EEA1: variants seen among roughly 807,000 people sequenced by gnomAD.
EEA1 encodes the protein early endosome antigen 1, also known as early endosome antigen 1, 162kD.
EEA1 carries 111 observed loss-of-function variants against 209.2 expected under a neutral mutation model. That is an observed-to-expected ratio of 0.53 (90% CI 0.45 to 0.62). The LOEUF is 0.62. Among genes scored for constraint, EEA1 ranks in the 20% least tolerant of loss-of-function variants. The pLI is 0.00. For missense variants in EEA1, 1,343 were observed against 1,530.8 expected (o/e 0.88, Z 2.05); for synonymous variants, 536 against 540.6 (o/e 0.99, Z 0.12).
chr12:92,842,295 A>G (rs1235078363), intron 10 of EEA1, among the ~76,000 whole-genome samples, 170 bp downstream of exon 10: 1 of 152,104 alleles, frequency 6.6e-6, no homozygotes, highest in Non-Finnish European at 1.5e-5. Flanking sequence ...ACTTTGCACA[A>G]TGAAAAAAGT....
At chr12:92,815,965 A>G (rs905140458) in intron 15 of EEA1, among the ~76,000 whole-genome samples, 1 of 151,200 alleles carries the variant, frequency 6.6e-6, no homozygotes, top group Non-Finnish European at 1.5e-5. Context: ...GAGGGAGAGG[A>G]GAAAGGAAGA....
At chr12:92,813,549 T>C (rs1021651932) in intron 15 of EEA1, among the ~76,000 whole-genome samples, 2 of 152,202 alleles carry the variant, frequency 1.3e-5, no homozygotes, top group African/African-American at 4.8e-5. Flanking sequence ...CAGTATTCCC[T>C]GATAACTTCT....
At chr12:92,789,542 G>C (rs965505146) in intron 21 of EEA1, among the ~76,000 whole-genome samples, 1 of 151,958 alleles carries the variant, frequency 6.6e-6, no homozygotes, top group African/African-American at 2.4e-5. Flanking sequence ...GCATCAAAAA[G>C]CTGTTACTTC....
intron 16 of EEA1, among the ~76,000 whole-genome samples, chr12:92,812,293 C>T (rs539687183): frequency 5.9e-5 from 9 of 151,576 alleles, no homozygotes; most frequent in African/African-American, 1.2e-4. Context: ...TACACCATTG[C>T]GCTCCAACCT....
At chr12:92,904,898 T>C (rs1880307355) in intron 1 of EEA1, among the ~76,000 whole-genome samples, 1 of 152,214 alleles carries the variant, frequency 6.6e-6, no homozygotes, top group South Asian at 2.1e-4. Flanking sequence ...TTTAAAGTTT[T>C]TACAGAGGTT....
At position 92,926,748 on chromosome 12, in the gene EEA1, C is replaced by T. The variant is rs148168390; in HGVS notation, c.24+2295G>A. Reference sequence around the variant, plus strand: ...AGTACTACCTGCGCCTTTTATGACTCCATCTCTTTGCATTTGCTGTTCCCT... The same window carrying T: ...AGTACTACCTGCGCCTTTTATGACTTCATCTCTTTGCATTTGCTGTTCCCT... On this transcript the variant is annotated intron_variant, in intron 1 of 28. Transcript: ENST00000322349. 2.5e-3 allele frequency among the ~76,000 whole-genome samples: 382 copies of T among 152,304 alleles called. 5 individuals carry two copies. The highest frequency in any genetic ancestry group is 0.017 in the South Asian group (80 of 4,826).
chr12:92,816,040 A>C lies in EEA1; in HGVS notation c.1929+160T>G, dbSNP rs529691303. Among the ~76,000 whole-genome samples, 8 of 152,170 alleles carry C rather than the reference A, an allele frequency of 5.3e-5. No homozygotes were observed. The South Asian group carries it at 8.3e-4, about 16-fold the overall frequency. On this transcript the variant is annotated intron_variant, in intron 15 of 28. Transcript: ENST00000322349. ...AGAGGGGGAGCAGGGGAGAAAGTCA[A>C]ACAGGAAAGTTCAACAAATTATCTA... is the stretch of plus-strand genomic sequence containing the variant.
intron 9 of EEA1, among the ~76,000 whole-genome samples, chr12:92,846,926 T>G (rs1877407438): frequency 6.6e-6 from 1 of 152,168 alleles, no homozygotes; most frequent in Non-Finnish European, 1.5e-5. Flanking sequence ...TAATTTTGTT[T>G]GAAATAAATG....
At chr12:92,907,578 T>C (rs1430156063) in intron 1 of EEA1, among the ~76,000 whole-genome samples, 1 of 152,168 alleles carries the variant, frequency 6.6e-6, no homozygotes, top group Admixed American at 6.6e-5. Context: ...GTTGCAATCA[T>C]CTCTCACCTG....
intron 2 of EEA1, 68 bp downstream of exon 2, chr12:92,891,561 C>G: frequency 8.2e-7 from 1 of 1,220,726 alleles, no homozygotes; most frequent in Non-Finnish European, 1.2e-6. Flanking sequence ...AATCACCAAT[C>G]GTTACACCAA....
rs1024062472 is a variant in EEA1 at position 92,853,845 on chromosome 12, A to C, written c.406+70T>G. 4 of 1,415,188 alleles carry C rather than the reference A, an allele frequency of 2.8e-6. No homozygotes were observed. In the Admixed American group the frequency reaches 8.7e-5, roughly 31 times the overall value. The allele number at this position is 1,415,188 out of a possible 1,614,324, so 87.7% of individuals were successfully genotyped here. A position where few individuals can be genotyped will look rare whatever the true frequency, so the allele number is the denominator to read the frequency against. ...AACAAAATTCATTTGGCAGGCATCA[A>C]AGAAAAAGAAAGGAAAACAAATAAG... On this transcript the variant is annotated intron_variant, in intron 6 of 28. Transcript: ENST00000322349.
intron 14 of EEA1, among the ~76,000 whole-genome samples, chr12:92,818,541 C>A: frequency 6.6e-6 from 1 of 152,008 alleles, no homozygotes; most frequent in East Asian, 1.9e-4. Flanking sequence ...ATATGATAAG[C>A]AACATCAAGT....
Position 92,829,649 on chromosome 12 carries a change from T to C in EEA1, c.1255-1588A>G, listed in dbSNP as rs539690803. On this transcript the variant is annotated intron_variant, in intron 11 of 28. Transcript: ENST00000322349. The stretch of plus-strand genomic sequence containing the variant: ...AGAAAGTCAGTCAGGTGTGGTAGCA[T>C]GTGCCTGAAGTCCCGGCTACTCAGG... 1.2e-3 allele frequency among the ~76,000 whole-genome samples: 188 copies of C among 151,452 alleles called. 3 individuals are homozygous for C. Among genetic ancestry groups the C allele is most frequent in the African/African-American group, 4.1e-3 (171 of 41,266 alleles).
Position 92,857,311 on chromosome 12 carries a change from C to A in EEA1, c.330G>T (p.Lys110Asn), listed in dbSNP as rs1877924034. ...GCCCTTGATATTTTTCTAATTCCTT[C>A]TTTAATTCTTCCGAGTACCATTTTT... ...KEEKWYSEELKKELEKYQGLQ... is the reference protein window; with the variant it reads ...KEEKWYSEELNKELEKYQGLQ... The change falls in exon 5 of 29, where the codon AAG becomes AAT. Residue 110 changes from lysine to asparagine, a missense_variant. Around this residue, in one of 3 missense-constraint regions of EEA1, gnomAD observed 1,307 missense variants for 1,465.5 expected, o/e 0.89. Transcript: ENST00000322349. 1 of 1,592,700 alleles carries A rather than the reference C, an allele frequency of 6.3e-7. No homozygotes were observed. Among genetic ancestry groups the A allele is most frequent in the African/African-American group, 1.4e-5 (1 of 73,652 alleles).
At chr12:92,845,346 A>G (rs1877346499) in intron 9 of EEA1, among the ~76,000 whole-genome samples, 2 of 152,188 alleles carry the variant, frequency 1.3e-5, no homozygotes, top group African/African-American at 4.8e-5. Context: ...AATCTTTTAC[A>G]ATAATCACAT....
At chr12:92,800,510 T>C (rs759910740) in intron 20 of EEA1, among the ~76,000 whole-genome samples, 1 of 152,218 alleles carries the variant, frequency 6.6e-6, no homozygotes, top group African/African-American at 2.4e-5. Context: ...GTTAGTGTTA[T>C]ATATAGACGT....
chr12:92,804,368 C>T (rs973004775), intron 18 of EEA1, among the ~76,000 whole-genome samples: 1 of 151,972 alleles, frequency 6.6e-6, no homozygotes, highest in African/African-American at 2.4e-5. Context: ...GTCAGGAGAT[C>T]GAGACCAACC....
chr12:92,778,170 T>C lies in EEA1; in HGVS notation c.3664A>G (p.Ile1222Val), dbSNP rs1592696863. 6.2e-7 allele frequency: 1 copy of C among 1,609,788 alleles called. No homozygotes were observed. The highest frequency in any genetic ancestry group is 8.5e-7 in the Non-Finnish European group (1 of 1,178,150). ...IEKEAKLHSE[I>V]KEKEVGMKKH... Reference sequence around the variant, plus strand: ...TTCATTCCTACTTCCTTTTCTTTTATTTCGGAATGCTGAAAAAAAGGAAAA... The same window carrying C: ...TTCATTCCTACTTCCTTTTCTTTTACTTCGGAATGCTGAAAAAAAGGAAAA... Residue 1222 changes from isoleucine to valine, a missense_variant, in exon 26 of 29, where the codon ATA becomes GTA. This residue lies in a region of EEA1 where 1,307 missense variants were observed against 1,465.5 expected (regional missense o/e 0.89). Transcript: ENST00000322349.
intron 7 of EEA1, 147 bp from the exon 8 acceptor site, chr12:92,852,443 C>A: frequency 2.1e-6 from 1 of 483,306 alleles, no homozygotes; most frequent in Non-Finnish European, 3.4e-6. Flanking sequence ...ATTTATACTT[C>A]TAATTACATG....
Sources: allele counts gnomAD v4.1 joint callset (sites outside exome capture counted in the v4.1 genomes callset), GRCh38; gene constraint gnomAD v4.1.1; regional missense constraint gnomAD v4.1.1; transcripts MANE v1.5; gene names NCBI Gene and HGNC (gene_info 2026-07-23, HGNC 2026-07-21).